DNAH9: variants seen among roughly 807,000 people sequenced by gnomAD.
The protein encoded by DNAH9 is DNAH9 variant protein.
A neutral mutation model predicts 471.6 loss-of-function variants in DNAH9; 345 were observed. The observed-to-expected ratio is 0.73, with a 90% CI of 0.67 to 0.80. DNAH9 has a LOEUF of 0.80. DNAH9 is among the 30% of genes least tolerant of loss of function. The pLI is 0.00. For missense variants in DNAH9, 5,407 were observed against 5,609.2 expected (o/e 0.96, Z 1.15); for synonymous variants, 2,093 against 2,123.6 (o/e 0.99, Z 0.40).
intron 22 of DNAH9, among the ~76,000 whole-genome samples, chr17:11,698,296 TATTAG>T (rs1189747436): frequency 7.3e-6 from 1 of 137,458 alleles, no homozygotes; most frequent in Non-Finnish European, 1.5e-5. Context: ...AATAATTATA[TATTAG>T]ATTAGATAGA....
intron 22 of DNAH9, among the ~76,000 whole-genome samples, chr17:11,696,212 A>G (rs1411716674): frequency 1.3e-5 from 2 of 152,266 alleles, no homozygotes; most frequent in South Asian, 4.1e-4. Flanking sequence ...CCCTTCTTTC[A>G]TACACAAAAG....
At chr17:11,601,565 G>A (rs2072388609) in intron 1 of DNAH9, among the ~76,000 whole-genome samples, 1 of 152,048 alleles carries the variant, frequency 6.6e-6, no homozygotes, top group Non-Finnish European at 1.5e-5. Context: ...AATAACTCAA[G>A]TCCTTTCCTT....
chr17:11,816,463 G>A (rs78005658), intron 45 of DNAH9, among the ~76,000 whole-genome samples: 2,658 of 152,276 alleles, frequency 0.017, 99 homozygotes, highest in East Asian at 0.17. Context: ...ACTACTATTG[G>A]ACATGTGCTT....
At position 11,780,990 on chromosome 17, in the gene DNAH9, C is replaced by T. The variant is rs201958991; in HGVS notation, c.7553-19C>T. On this transcript the variant is annotated intron_variant, in intron 38 of 68. Coordinates refer to ENST00000262442, the MANE Select transcript of DNAH9 (RefSeq NM_001372.4). ...TGAGATTTGAGCCGCCTTCCCTCAC[C>T]GACTGGCTCTCTCCCCAGCTGTCCT... The T allele has an allele frequency of 2.2e-4, 362 of 1,610,188 alleles. No homozygotes were observed. Among genetic ancestry groups the T allele is most frequent in the Non-Finnish European group, 2.1e-4 (251 of 1,178,156 alleles).
chr17:11,744,741 C>G lies in DNAH9; in HGVS notation c.6112-56C>G. 4 of 1,467,196 alleles carry G rather than the reference C, an allele frequency of 2.7e-6. No homozygotes were observed. The South Asian group carries it at 5.0e-5, about 18-fold the overall frequency. 90.9% of individuals were successfully genotyped at this position (1,467,196 alleles called of 1,614,324 possible). A position where few individuals can be genotyped will look rare whatever the true frequency, so the allele number is the denominator to read the frequency against. On this transcript the variant is annotated intron_variant, in intron 30 of 68. Transcript: ENST00000262442. Reference sequence around the variant, plus strand: ...GCATATCTATGATTCTGCAGACACTCACCCCAGCACATGGTGTTCTGTCTC... The same window carrying G: ...GCATATCTATGATTCTGCAGACACTGACCCCAGCACATGGTGTTCTGTCTC...
chr17:11,694,240 T>A, intron 21 of DNAH9, 81 bp from the exon 22 acceptor site: 1 of 1,470,282 alleles, frequency 6.8e-7, no homozygotes, highest in Non-Finnish European at 9.4e-7. Context: ...GTCTATTGCA[T>A]ATACATACAT....
rs1423621195 is a variant in DNAH9 at position 11,623,380 on chromosome 17, C to T, written c.1350+3599C>T. Among the ~76,000 whole-genome samples the T allele has an allele frequency of 6.6e-6, 1 of 152,068 alleles. No homozygotes were observed. Among genetic ancestry groups the T allele is most frequent in the Non-Finnish European group, 1.5e-5 (1 of 68,010 alleles). Reference sequence around the variant, plus strand: ...TTTGTTCTCCTTCTCTATTTTCTAACTTCCCTGACCTCTTTGTTTGCCCTG... The same window carrying T: ...TTTGTTCTCCTTCTCTATTTTCTAATTTCCCTGACCTCTTTGTTTGCCCTG... On this transcript the variant is annotated intron_variant, in intron 6 of 68. Coordinates refer to ENST00000262442, the MANE Select transcript of DNAH9 (RefSeq NM_001372.4). This position sits in a 1 kb window ranked among gnomAD's most constrained non-coding sequence, Gnocchi z 4.1.
At chr17:11,598,987 A>C in intron 1 of DNAH9, 72 bp downstream of exon 1, 27 of 296,504 alleles carry the variant, frequency 9.1e-5, no homozygotes, top group Non-Finnish European at 1.1e-4. Context: ...TAAGGGACGG[A>C]GGCGGGGCCA....
intron 17 of DNAH9, among the ~76,000 whole-genome samples, chr17:11,674,469 T>A (rs2150734319): frequency 6.6e-6 from 1 of 152,308 alleles, no homozygotes; most frequent in African/African-American, 2.4e-5. Context: ...TCTTTTTATG[T>A]TTTTGGTGAG....
Position 11,880,350 on chromosome 17 carries a change from C to G in DNAH9, c.10601+150C>G, listed in dbSNP as rs1032191329. The G allele has an allele frequency of 4.6e-5, 49 of 1,056,076 alleles. 1 individual carries two copies. In the Middle Eastern group the frequency reaches 2.0e-3, roughly 44 times the overall value. 65.4% of individuals were successfully genotyped at this position (1,056,076 alleles called of 1,614,324 possible). On this transcript the variant is annotated intron_variant, in intron 54 of 68. Coordinates refer to ENST00000262442, the MANE Select transcript of DNAH9 (RefSeq NM_001372.4). The stretch of plus-strand genomic sequence containing the variant: ...GCACATCCACCTTTCTTTCTTCCAG[C>G]AGAGGTCTATTTAGTGGCCTTTGTT...
In DNAH9 at chr17:11,640,310, C is replaced by T. The variant is rs764472318; in HGVS notation, c.1827C>T (p.Gly609=). The change falls in exon 10 of 69, where the codon GGC becomes GGT. Residue 609 remains glycine, a synonymous_variant. Coordinates refer to ENST00000262442, the MANE Select transcript of DNAH9 (RefSeq NM_001372.4). ...PVHKNMPTVA[G]GLRWAQELRQ... ...ACAAGAACATGCCCACCGTGGCTGGCGGCCTCCGCTGGGCACAGGAGCTGA... is the reference window on the plus strand; with the variant it reads ...ACAAGAACATGCCCACCGTGGCTGGTGGCCTCCGCTGGGCACAGGAGCTGA... 68 of 1,612,366 alleles carry T rather than the reference C, an allele frequency of 4.2e-5. No homozygotes were observed. In the Admixed American group the frequency reaches 7.8e-4, roughly 19 times the overall value.
intron 10 of DNAH9, among the ~76,000 whole-genome samples, chr17:11,642,883 G>A (rs770182139): frequency 4.0e-5 from 6 of 151,008 alleles, no homozygotes; most frequent in Admixed American, 2.6e-4. Flanking sequence ...CATCACAAAC[G>A]TGGACTGAGT....
At chr17:11,772,630 G>T (rs1475472339) in intron 38 of DNAH9, among the ~76,000 whole-genome samples, 1 of 152,120 alleles carries the variant, frequency 6.6e-6, no homozygotes, top group Non-Finnish European at 1.5e-5. Flanking sequence ...ATTAAATAGG[G>T]CCGAGATGAA....
intron 45 of DNAH9, among the ~76,000 whole-genome samples, chr17:11,819,146 A>G (rs947431474): frequency 6.6e-6 from 1 of 152,094 alleles, no homozygotes; most frequent in African/African-American, 2.4e-5. Context: ...CAATAATCCT[A>G]GAACCTTCCC....
chr17:11,777,759 C>T (rs1968491956), intron 38 of DNAH9, among the ~76,000 whole-genome samples: 2 of 152,204 alleles, frequency 1.3e-5, no homozygotes, highest in Non-Finnish European at 2.9e-5. Context: ...AATGTCCAAT[C>T]TCAAAGGGCA....
chr17:11,762,770 G>GTTTGTT (rs1193246497), intron 35 of DNAH9, among the ~76,000 whole-genome samples: 1,338 of 90,636 alleles, frequency 0.015, 75 homozygotes, highest in Non-Finnish European at 0.022. Context: ...TTTTTTTTTT[G>GTTTGTT]TTTTTTTTTT....
chr17:11,940,651 A>G (rs993418910), intron 66 of DNAH9, among the ~76,000 whole-genome samples: 1 of 152,190 alleles, frequency 6.6e-6, no homozygotes, highest in Non-Finnish European at 1.5e-5. Flanking sequence ...TGTGTTAACA[A>G]TACAAGGCAA....
chr17:11,650,275 G>T (rs551578238), intron 12 of DNAH9, among the ~76,000 whole-genome samples: 3 of 152,146 alleles, frequency 2.0e-5, no homozygotes, highest in Admixed American at 1.3e-4. Flanking sequence ...AGAACCTGGG[G>T]CCATCTGTTC....
chr17:11,805,118 C>T (rs1277617191), intron 43 of DNAH9, among the ~76,000 whole-genome samples: 2 of 152,006 alleles, frequency 1.3e-5, no homozygotes, highest in Non-Finnish European at 2.9e-5. Flanking sequence ...CTCCTACACA[C>T]TGCTAGCAAG....
Sources: allele counts gnomAD v4.1 joint callset (sites outside exome capture counted in the v4.1 genomes callset), GRCh38; gene constraint gnomAD v4.1.1; non-coding constraint Gnocchi (gnomAD v3.1); transcripts MANE v1.5; gene names NCBI Gene and HGNC (gene_info 2026-07-23, HGNC 2026-07-21).